Variants in SDC2 observed in about 807,000 individuals in gnomAD.
SDC2 encodes syndecan-2.
Under a neutral mutation model 22.2 loss-of-function variants are expected in SDC2, and 13 were observed. The observed-to-expected ratio is 0.59, with a 90% CI of 0.38 to 0.93. SDC2 has a LOEUF of 0.93. Ranked by LOEUF, SDC2 falls within the 40% of genes least tolerant of loss-of-function variation. The probability of loss-of-function intolerance (pLI) is 0.00; values close to 1 mark genes in which losing one functional copy is unlikely to be tolerated. For synonymous variants in SDC2, 94 were observed against 92.8 expected, an observed-to-expected ratio of 1.01 and a Z score of -0.07; for missense variants, 235 against 246.8, an observed-to-expected ratio of 0.95 and a Z score of 0.32.
chr8:96,608,463 C>T lies in SDC2; in HGVS notation c.435C>T (p.Val145=). ...ACAGTCTGTTTAAACGGACAGAAGT[C>T]CTAGCAGGTGAGTAGCCTGGTGGGC... The part of the protein sequence containing the change: ...HSDSLFKRTE[V]LAAVIAGGVI... The change falls in exon 4 of 5, where the codon GTC becomes GTT. Residue 145 remains valine (V), a synonymous_variant. Coordinates refer to ENST00000302190, the MANE Select transcript of SDC2 (RefSeq NM_002998.4). 6.2e-7 allele frequency: 1 copy of T among 1,611,502 alleles called. No homozygotes were observed. Among genetic ancestry groups the T allele is most frequent in the Non-Finnish European group, 8.5e-7 (1 of 1,178,814 alleles).
intron 2 of SDC2, among the ~76,000 whole-genome samples, chr8:96,595,570 A>G (rs1201800840): frequency 6.6e-6 from 1 of 152,032 alleles, no homozygotes; most frequent in Non-Finnish European, 1.5e-5. Flanking sequence ...CCCAGGAAAT[A>G]ATAACTATGG....
chr8:96,513,604 T>C (rs1487281142), intron 1 of SDC2, among the ~76,000 whole-genome samples: 5 of 152,218 alleles, frequency 3.3e-5, no homozygotes, highest in Admixed American at 3.3e-4. Flanking sequence ...GTTTTTTCTT[T>C]TATTGGAAAT....
chr8:96,607,177 T>C (rs958973710), intron 3 of SDC2, among the ~76,000 whole-genome samples: 1 of 122,730 alleles, frequency 8.1e-6, no homozygotes, highest in South Asian at 2.9e-4. Context: ...GCACAGATAC[T>C]AAGAACCATT....
chr8:96,585,406 C>T (rs533394230), intron 1 of SDC2, among the ~76,000 whole-genome samples: 7 of 152,182 alleles, frequency 4.6e-5, no homozygotes, highest in East Asian at 1.9e-4. Context: ...CCTGAGGGTT[C>T]GGATGACATG....
chr8:96,593,636 G>A, intron 2 of SDC2, 45 bp downstream of exon 2: 1 of 1,204,688 alleles, frequency 8.3e-7, no homozygotes, highest in Non-Finnish European at 1.2e-6. Flanking sequence ...CTCCAGGCAT[G>A]CACGCACACA....
intron 1 of SDC2, among the ~76,000 whole-genome samples, chr8:96,547,701 A>G (rs541021313): frequency 6.6e-6 from 1 of 151,512 alleles, no homozygotes; most frequent in South Asian, 2.1e-4. Context: ...CTTTTTGTTA[A>G]TATCTGAGTT....
At chr8:96,591,176 G>A (rs1462529943) in intron 1 of SDC2, among the ~76,000 whole-genome samples, 1 of 152,206 alleles carries the variant, frequency 6.6e-6, no homozygotes, top group Non-Finnish European at 1.5e-5. Context: ...AAGTATCTCA[G>A]TATTACCCTT....
intron 1 of SDC2, among the ~76,000 whole-genome samples, chr8:96,503,483 A>T (rs887844401): frequency 6.6e-6 from 1 of 152,230 alleles, no homozygotes; most frequent in Non-Finnish European, 1.5e-5. Flanking sequence ...GTATAAAGAT[A>T]ATGTATATAT....
At chr8:96,572,032 T>C (rs1376355074) in intron 1 of SDC2, among the ~76,000 whole-genome samples, 1 of 152,160 alleles carries the variant, frequency 6.6e-6, no homozygotes, top group African/African-American at 2.4e-5. Flanking sequence ...TTGTTTATCC[T>C]TCTGTTAAAG....
At chr8:96,538,317 A>G (rs1813787268) in intron 1 of SDC2, among the ~76,000 whole-genome samples, 1 of 152,210 alleles carries the variant, frequency 6.6e-6, no homozygotes, top group Non-Finnish European at 1.5e-5. Context: ...TACTATACAA[A>G]TAACAAAGTC....
chr8:96,556,270 G>A (rs1012846314), intron 1 of SDC2, among the ~76,000 whole-genome samples: 3 of 151,980 alleles, frequency 2.0e-5, no homozygotes, highest in African/African-American at 7.3e-5. Context: ...AGAATGAAAC[G>A]AAACAAATTA....
chr8:96,576,631 G>T (rs1359414089), intron 1 of SDC2, among the ~76,000 whole-genome samples: 2 of 147,674 alleles, frequency 1.4e-5, no homozygotes, highest in Non-Finnish European at 3.0e-5. Context: ...GTTTTAGCCG[G>T]GATGGTCTCG....
At chr8:96,607,318 G>A (rs1226838538) in intron 3 of SDC2, among the ~76,000 whole-genome samples, 1 of 152,202 alleles carries the variant, frequency 6.6e-6, no homozygotes, top group Non-Finnish European at 1.5e-5. Context: ...GAGCTGGGCT[G>A]TGATGTGCTG....
At chr8:96,556,057 T>TAAACAC (rs1814106682) in intron 1 of SDC2, among the ~76,000 whole-genome samples, 1 of 147,642 alleles carries the variant, frequency 6.8e-6, no homozygotes, top group Non-Finnish European at 1.5e-5. Flanking sequence ...CACACACACA[T>TAAACAC]ACACACACAC....
chr8:96,569,883 C>A (rs550556396), intron 1 of SDC2, among the ~76,000 whole-genome samples: 21 of 152,108 alleles, frequency 1.4e-4, no homozygotes, highest in Non-Finnish European at 2.8e-4. Flanking sequence ...CTATAAGGGG[C>A]CCGGAGGTGT....
chr8:96,564,050 TGTTCCTGCC>T (rs889506055), intron 1 of SDC2, among the ~76,000 whole-genome samples: 4 of 152,340 alleles, frequency 2.6e-5, no homozygotes, highest in African/African-American at 4.8e-5. Context: ...GCATCTCTGT[TGTTCCTGCC>T]GTTACCAGGC....
chr8:96,535,128 G>C (rs987412973), intron 1 of SDC2, among the ~76,000 whole-genome samples: 10 of 152,036 alleles, frequency 6.6e-5, no homozygotes, highest in African/African-American at 4.8e-5. Context: ...TCCTGCGTCA[G>C]CCTCCGAGTA....
chr8:96,560,822 T>G (rs776477432), intron 1 of SDC2, among the ~76,000 whole-genome samples: 9 of 152,074 alleles, frequency 5.9e-5, no homozygotes, highest in Non-Finnish European at 1.3e-4. Flanking sequence ...AAAAGAGAGA[T>G]ATGCCGGGCG....
At chr8:96,548,282 T>C (rs1275246983) in intron 1 of SDC2, among the ~76,000 whole-genome samples, 1 of 152,166 alleles carries the variant, frequency 6.6e-6, no homozygotes, top group African/African-American at 2.4e-5. Context: ...CTGTACAATT[T>C]TGATTAGGGT....
Sources: gnomAD v4.1 joint callset for allele counts (sites outside exome capture counted in the v4.1 genomes callset) on GRCh38, gnomAD v4.1.1 for gene constraint, MANE v1.5 for transcripts, NCBI Gene and HGNC (gene_info 2026-07-23, HGNC 2026-07-21) for gene names.